The following MEGF9 variants were observed in gnomAD, a reference collection of about 807,000 sequenced individuals.
MEGF9 encodes multiple epidermal growth factor-like domains protein 9.
Under a neutral mutation model 46.8 loss-of-function variants are expected in MEGF9, and 6 were observed. The ratio of observed to expected loss-of-function variants is 0.13; its 90% CI spans 0.07 to 0.25. The LOEUF (loss-of-function observed/expected upper bound fraction) is 0.25. MEGF9 is among the 10% of genes least tolerant of loss of function. The probability of loss-of-function intolerance (pLI) is 1.00; values close to 1 mark genes in which losing one functional copy is unlikely to be tolerated. For synonymous variants in MEGF9, 302 were observed against 330.7 expected (o/e 0.91, Z 0.94); for missense variants, 683 against 792.4 (o/e 0.86, Z 1.66).
intron 2 of MEGF9, among the ~76,000 whole-genome samples, chr9:120,650,814 T>A (rs1311112110): frequency 6.6e-6 from 1 of 152,058 alleles, no homozygotes; most frequent in East Asian, 1.9e-4. Flanking sequence ...TCACTGGAAT[T>A]TTCATGTTTT....
At chr9:120,699,172 T>G (rs924778883) in intron 1 of MEGF9, among the ~76,000 whole-genome samples, 4 of 152,202 alleles carry the variant, frequency 2.6e-5, no homozygotes, top group African/African-American at 9.6e-5. Context: ...AATTTAAATG[T>G]GGTGAATTTT....
chr9:120,659,529 G>C lies in MEGF9; in HGVS notation c.648C>G (p.Arg216=). The part of the protein sequence containing the change: ...CSVVGSLNVN[R]CNQTTGQCEC... ...CACACTGCCCTGTGGTCTGGTTGCAGCGATTCACATTCAGGCTTCCAACCA... is the reference window on the plus strand; with the variant it reads ...CACACTGCCCTGTGGTCTGGTTGCACCGATTCACATTCAGGCTTCCAACCA... Residue 216 remains arginine (R), a synonymous_variant, in exon 2 of 6, where the codon CGC becomes CGG. Transcript: ENST00000373930. 1 of 1,613,548 alleles carries C rather than the reference G, an allele frequency of 6.2e-7. No individual in the cohort carries two copies.
At chr9:120,711,102 G>A (rs1422309532) in intron 1 of MEGF9, among the ~76,000 whole-genome samples, 2 of 152,322 alleles carry the variant, frequency 1.3e-5, no homozygotes, top group East Asian at 1.9e-4. Context: ...TTACTGCAGT[G>A]TATACTGAAT....
chr9:120,643,679 A>T (rs1445660061), intron 2 of MEGF9, among the ~76,000 whole-genome samples: 1 of 151,826 alleles, frequency 6.6e-6, no homozygotes, highest in Non-Finnish European at 1.5e-5. Flanking sequence ...TCTACCATTC[A>T]TCCAGCTTCC....
chr9:120,621,505 CATTT>C (rs1310666464), intron 3 of MEGF9, among the ~76,000 whole-genome samples: 2 of 152,238 alleles, frequency 1.3e-5, no homozygotes, highest in Admixed American at 1.3e-4. Flanking sequence ...CCAGTTTGTT[CATTT>C]GATATTTTAG....
intron 1 of MEGF9, among the ~76,000 whole-genome samples, chr9:120,708,852 A>C (rs547443561): frequency 2.0e-5 from 3 of 152,352 alleles, no homozygotes; most frequent in African/African-American, 7.2e-5. Context: ...TTAGAAAATT[A>C]TAAGAATTTC....
intron 2 of MEGF9, among the ~76,000 whole-genome samples, chr9:120,629,375 C>T (rs1428649930): frequency 6.6e-6 from 1 of 152,132 alleles, no homozygotes; most frequent in East Asian, 1.9e-4. Flanking sequence ...TGCAGTGGCT[C>T]ATGCCTGTAA....
intron 2 of MEGF9, among the ~76,000 whole-genome samples, chr9:120,639,052 T>C (rs2043590988): frequency 6.6e-6 from 1 of 152,228 alleles, no homozygotes. Context: ...ATCTGTCAGT[T>C]TCATATGCTG....
At chr9:120,679,937 C>A (rs369997130) in intron 1 of MEGF9, among the ~76,000 whole-genome samples, 1,190 of 118,072 alleles carry the variant, frequency 0.01, no homozygotes, top group South Asian at 0.011. Flanking sequence ...GACTCCGTCT[C>A]AAAAAAAAAA....
At chr9:120,711,162 T>A (rs2043951239) in intron 1 of MEGF9, among the ~76,000 whole-genome samples, 1 of 152,236 alleles carries the variant, frequency 6.6e-6, no homozygotes, top group African/African-American at 2.4e-5. Context: ...AGTAAATAGA[T>A]GATGGATTTA....
intron 5 of MEGF9, among the ~76,000 whole-genome samples, chr9:120,607,313 G>C (rs2043423775): frequency 6.6e-6 from 1 of 152,096 alleles, no homozygotes; most frequent in Non-Finnish European, 1.5e-5. Context: ...GGAAACTTAG[G>C]CCCAAAGTTA....
chr9:120,703,340 T>C (rs915698310), intron 1 of MEGF9, among the ~76,000 whole-genome samples: 1 of 152,240 alleles, frequency 6.6e-6, no homozygotes, highest in African/African-American at 2.4e-5. Flanking sequence ...GAGGTATAAC[T>C]GTGAACAAAA....
chr9:120,683,759 G>A, intron 1 of MEGF9, among the ~76,000 whole-genome samples: 1 of 151,672 alleles, frequency 6.6e-6, no homozygotes, highest in East Asian at 1.9e-4. Flanking sequence ...CCAGGTGTGG[G>A]GGCACACACC....
At chr9:120,695,603 C>CA (rs370281228) in intron 1 of MEGF9, among the ~76,000 whole-genome samples, 3,690 of 18,440 alleles carry the variant, frequency 0.2, 656 homozygotes, top group Non-Finnish European at 0.29. Flanking sequence ...GACCCCATCT[C>CA]AAAAAAAAAA....
At chr9:120,681,710 G>A (rs2043799426) in intron 1 of MEGF9, among the ~76,000 whole-genome samples, 1 of 152,130 alleles carries the variant, frequency 6.6e-6, no homozygotes, top group African/African-American at 2.4e-5. Flanking sequence ...TTAATATAGA[G>A]TAGCTGTTAT....
In MEGF9 at chr9:120,714,055, T is replaced by A; in HGVS notation, c.304A>T (p.Thr102Ser). 7.7e-7 allele frequency: 1 copy of A among 1,299,172 alleles called. No individual in the cohort carries two copies. Among genetic ancestry groups the A allele is most frequent in the Non-Finnish European group, 9.8e-7 (1 of 1,021,482 alleles). The allele number at this position is 1,299,172 out of a possible 1,614,324, so 80.5% of individuals were successfully genotyped here. A position where few individuals can be genotyped will look rare whatever the true frequency, so the allele number is the denominator to read the frequency against. ...AATSPAQSPE[T>S]TPLWATAGPS... ...CCAGCAGTCGCCCAAAGAGGGGTGG[T>A]CTCCGGGGACTGGGCTGGAGAAGTC... Residue 102 changes from threonine to serine, a missense_variant, in exon 1 of 6, where the codon ACC becomes TCC. Thr to Ser is a moderately conservative substitution (Grantham distance 58). Coordinates refer to ENST00000373930, the MANE Select transcript of MEGF9 (RefSeq NM_001080497.3).
At chr9:120,618,981 T>C (rs1483750810) in intron 3 of MEGF9, among the ~76,000 whole-genome samples, 1 of 152,220 alleles carries the variant, frequency 6.6e-6, no homozygotes, top group Non-Finnish European at 1.5e-5. Flanking sequence ...TTAACTAGTC[T>C]AATTATATGG....
chr9:120,646,432 C>T (rs2043626595), intron 2 of MEGF9, among the ~76,000 whole-genome samples: 1 of 152,186 alleles, frequency 6.6e-6, no homozygotes, highest in South Asian at 2.1e-4. Context: ...TTCCACTTGA[C>T]ATCTTCAGTA....
chr9:120,670,390 C>T (rs2043743383), intron 1 of MEGF9, among the ~76,000 whole-genome samples: 1 of 152,216 alleles, frequency 6.6e-6, no homozygotes, highest in South Asian at 2.1e-4. Flanking sequence ...AGCCACCGTG[C>T]CCGGCCTCTA....
Sources: gnomAD v4.1 joint callset for allele counts (sites outside exome capture counted in the v4.1 genomes callset) on GRCh38, gnomAD v4.1.1 for gene constraint, MANE v1.5 for transcripts, NCBI Gene and HGNC (gene_info 2026-07-23, HGNC 2026-07-21) for gene names.